Variants in SLC4A10 observed in about 807,000 individuals in gnomAD.
The protein encoded by SLC4A10 is sodium-driven chloride bicarbonate exchanger.
SLC4A10 carries 42 observed loss-of-function variants against 137.7 expected under a neutral mutation model. That is an observed-to-expected ratio of 0.30 (90% CI 0.24 to 0.39). The LOEUF is 0.39. SLC4A10 is among the 10% of genes least tolerant of loss of function. SLC4A10 has a pLI of 1.00. For missense variants in SLC4A10, 925 were observed against 1,355.0 expected, an observed-to-expected ratio of 0.68 and a Z score of 4.98; for synonymous variants, 474 against 464.1, an observed-to-expected ratio of 1.02 and a Z score of -0.27.
chr2:161,784,603 A>G (rs2053413769), intron 2 of SLC4A10, among the ~76,000 whole-genome samples: 1 of 151,922 alleles, frequency 6.6e-6, no homozygotes, highest in Non-Finnish European at 1.5e-5. Flanking sequence ...GGGAAAACTG[A>G]AAATATTATA....
chr2:161,894,864 T>A (rs753938226), intron 11 of SLC4A10, 39 bp downstream of exon 11: 59 of 1,272,870 alleles, frequency 4.6e-5, no homozygotes, highest in Non-Finnish European at 5.8e-5. Flanking sequence ...ATTGAATTTT[T>A]TTTTGTCTTT....
chr2:161,850,961 A>T (rs549024937), intron 4 of SLC4A10, among the ~76,000 whole-genome samples: 1 of 152,066 alleles, frequency 6.6e-6, no homozygotes, highest in South Asian at 2.1e-4. Context: ...CAGTTACTTC[A>T]TTGTTTACCC....
intron 1 of SLC4A10, among the ~76,000 whole-genome samples, chr2:161,749,573 G>A (rs1481710488): frequency 1.3e-5 from 2 of 151,594 alleles, no homozygotes; most frequent in Non-Finnish European, 3.0e-5. Flanking sequence ...TATCTGCATT[G>A]GTTAAACCAC....
intron 1 of SLC4A10, among the ~76,000 whole-genome samples, chr2:161,648,316 C>T (rs552534944): frequency 1.2e-3 from 185 of 152,250 alleles, no homozygotes; most frequent in African/African-American, 4.4e-3. Context: ...TACTCATTCA[C>T]TTACCCCTTC....
chr2:161,814,128 A>G (rs1452818665), intron 3 of SLC4A10, among the ~76,000 whole-genome samples: 1 of 152,168 alleles, frequency 6.6e-6, no homozygotes, highest in Non-Finnish European at 1.5e-5. Context: ...ACATGAACAG[A>G]CACTTCTTAA....
chr2:161,640,596 C>CCTTA (rs1252588263), intron 1 of SLC4A10, among the ~76,000 whole-genome samples: 1 of 96,186 alleles, frequency 1.0e-5, no homozygotes, highest in African/African-American at 4.4e-5. Flanking sequence ...CTCTTTCTTT[C>CCTTA]CTTCCTTCCT....
At chr2:161,696,747 A>G (rs2042555749) in intron 1 of SLC4A10, among the ~76,000 whole-genome samples, 1 of 152,072 alleles carries the variant, frequency 6.6e-6, no homozygotes. Context: ...GCTATTGTGA[A>G]TAATGCCACA....
intron 15 of SLC4A10, among the ~76,000 whole-genome samples, chr2:161,906,882 G>A (rs1277892520): frequency 1.3e-5 from 2 of 151,714 alleles, no homozygotes; most frequent in South Asian, 2.1e-4. Context: ...GTGAAACCCC[G>A]TCTCTACTAA....
At chr2:161,925,183 CTT>C (rs1336634614) in intron 15 of SLC4A10, among the ~76,000 whole-genome samples, 1 of 152,082 alleles carries the variant, frequency 6.6e-6, no homozygotes, top group African/African-American at 2.4e-5. Flanking sequence ...GTCCTGGACT[CTT>C]TTTGGTTGGT....
At chr2:161,783,856 G>A (rs2053330878) in intron 2 of SLC4A10, among the ~76,000 whole-genome samples, 1 of 151,416 alleles carries the variant, frequency 6.6e-6, no homozygotes, top group African/African-American at 2.4e-5. Context: ...ATAATTACAA[G>A]GCTAACAGAA....
chr2:161,945,180 GTGTATATA>G (rs1470755691), intron 16 of SLC4A10, among the ~76,000 whole-genome samples: 4 of 94,738 alleles, frequency 4.2e-5, no homozygotes, highest in Middle Eastern at 6.0e-3. Context: ...TTAAGTTTGT[GTGTATATA>G]TATATATATA....
intron 11 of SLC4A10, among the ~76,000 whole-genome samples, chr2:161,896,378 G>T: frequency 6.6e-6 from 1 of 151,978 alleles, no homozygotes; most frequent in East Asian, 1.9e-4. Flanking sequence ...TTTGGCTTAG[G>T]ATTGACTTGG....
intron 3 of SLC4A10, among the ~76,000 whole-genome samples, chr2:161,805,879 G>C (rs2055893555): frequency 6.6e-6 from 1 of 152,158 alleles, no homozygotes; most frequent in Non-Finnish European, 1.5e-5. Flanking sequence ...TCCACTAGGT[G>C]GTGTCCCAGT....
chr2:161,927,071 T>C (rs1217047490), intron 15 of SLC4A10, among the ~76,000 whole-genome samples: 1 of 152,092 alleles, frequency 6.6e-6, no homozygotes, highest in African/African-American at 2.4e-5. Flanking sequence ...ATCTTTGTGG[T>C]GTTCTCTGTA....
chr2:161,852,517 C>T (rs1270153776), intron 4 of SLC4A10, among the ~76,000 whole-genome samples: 3 of 152,044 alleles, frequency 2.0e-5, no homozygotes, highest in African/African-American at 7.2e-5. Flanking sequence ...AAAGGAAAAC[C>T]ATCTATTTTT....
chr2:161,772,302 T>G (rs569674203), intron 2 of SLC4A10, among the ~76,000 whole-genome samples: 3 of 151,850 alleles, frequency 2.0e-5, no homozygotes, highest in Non-Finnish European at 4.4e-5. Context: ...ACCTTCCTAT[T>G]TATGTCATGC....
chr2:161,922,166 C>T (rs1413514416), intron 15 of SLC4A10, among the ~76,000 whole-genome samples: 1 of 151,832 alleles, frequency 6.6e-6, no homozygotes, highest in Admixed American at 6.6e-5. Context: ...TATTTAGAGG[C>T]TAAGGAGAGG....
intron 1 of SLC4A10, among the ~76,000 whole-genome samples, chr2:161,628,173 A>G (rs1042219247): frequency 6.6e-6 from 1 of 152,046 alleles, no homozygotes; most frequent in African/African-American, 2.4e-5. Context: ...TTTAGGAGTA[A>G]CCTAACAATT....
intron 1 of SLC4A10, among the ~76,000 whole-genome samples, chr2:161,633,304 T>C (rs2033889708): frequency 6.6e-6 from 1 of 151,806 alleles, no homozygotes; most frequent in Non-Finnish European, 1.5e-5. Flanking sequence ...GGCTGGATTC[T>C]TGAAAGCAGC....
Sources: gnomAD v4.1 joint callset for allele counts (sites outside exome capture counted in the v4.1 genomes callset) on GRCh38, gnomAD v4.1.1 for gene constraint, MANE v1.5 for transcripts, NCBI Gene and HGNC (gene_info 2026-07-23, HGNC 2026-07-21) for gene names.